XPO1: variants seen among roughly 807,000 people sequenced by gnomAD.
The protein encoded by XPO1 is exportin-1.
A neutral mutation model predicts 133.3 loss-of-function variants in XPO1; 5 were observed. That is an observed-to-expected ratio of 0.04 (90% CI 0.02 to 0.08). The LOEUF (loss-of-function observed/expected upper bound fraction) is 0.08, where lower values mean the gene tolerates loss of function less well. Among genes scored for constraint, XPO1 ranks in the 10% least tolerant of loss-of-function variants. The pLI, the probability that XPO1 is intolerant of heterozygous loss-of-function variation, is 1.00. For missense variants in XPO1, 506 were observed against 1,267.5 expected, an observed-to-expected ratio of 0.40 and a Z score of 9.12; for synonymous variants, 419 against 408.2, an observed-to-expected ratio of 1.03 and a Z score of -0.32.
At chr2:61,528,733 TTATATATATATATATATATATATATATA>T (rs10528074) in intron 2 of XPO1, among the ~76,000 whole-genome samples, 3,709 of 115,842 alleles carry the variant, frequency 0.032, 177 homozygotes, top group African/African-American at 0.089. Context: ...GACATTTTAT[TTATATATATATATATATATATATATATA>T]TATATATATA....
intron 2 of XPO1, among the ~76,000 whole-genome samples, chr2:61,529,221 A>G (rs1573224826): frequency 6.6e-6 from 1 of 152,224 alleles, no homozygotes; most frequent in East Asian, 1.9e-4. Flanking sequence ...TCTTTCTCTT[A>G]TACTTTACTT....
intron 9 of XPO1, 47 bp downstream of exon 9, chr2:61,498,626 T>C (rs2104487602): frequency 1.9e-6 from 3 of 1,604,494 alleles, no homozygotes; most frequent in Non-Finnish European, 2.6e-6. Context: ...GTGAAAAGAA[T>C]ATATGTGGCT....
chr2:61,479,927 T>C (rs926999670), intron 24 of XPO1, among the ~76,000 whole-genome samples: 2 of 152,084 alleles, frequency 1.3e-5, no homozygotes, highest in African/African-American at 4.8e-5. Context: ...TGCAGTGTTA[T>C]GATCTCAGCT....
chr2:61,487,596 T>G, intron 19 of XPO1, among the ~76,000 whole-genome samples: 1 of 152,116 alleles, frequency 6.6e-6, no homozygotes. Context: ...TAGAATTTTT[T>G]GGACTCTCCC....
rs1216994314 is a variant in XPO1, at chr2:61,478,012, A to G, written c.*808T>C. On this transcript the variant is annotated 3_prime_UTR_variant, in exon 25 of 25. Transcript: ENST00000401558. ...AGCTTGGTAAACAATGTAAATTAGTATAAGTCATCTCAAAAGCCAGAGTTG... is the reference window on the plus strand; with the variant it reads ...AGCTTGGTAAACAATGTAAATTAGTGTAAGTCATCTCAAAAGCCAGAGTTG... 2 of 232,322 alleles carry G rather than the reference A, an allele frequency of 8.6e-6. No individual in the cohort carries two copies. The highest frequency in any genetic ancestry group is 1.7e-5 in the Non-Finnish European group (2 of 117,212). The allele number at this position is 232,322 out of a possible 1,614,324, so 14.4% of individuals were successfully genotyped here.
At chr2:61,496,259 T>A (rs908490270) in intron 10 of XPO1, among the ~76,000 whole-genome samples, 4 of 152,218 alleles carry the variant, frequency 2.6e-5, no homozygotes, top group Non-Finnish European at 5.9e-5. Context: ...TCATCCAGGC[T>A]GGAGTGCAAT....
intron 11 of XPO1, among the ~76,000 whole-genome samples, chr2:61,495,233 T>C (rs1697189751): frequency 6.6e-6 from 1 of 152,186 alleles, no homozygotes; most frequent in Non-Finnish European, 1.5e-5. Context: ...AATTAGTAAT[T>C]TAATTTTGAT....
chr2:61,482,238 C>G, intron 23 of XPO1, 142 bp downstream of exon 23: 2 of 374,874 alleles, frequency 5.3e-6, no homozygotes, highest in Non-Finnish European at 7.7e-6. Context: ...GAGACGGGAT[C>G]TTGTTTTGTT....
intron 2 of XPO1, among the ~76,000 whole-genome samples, chr2:61,529,422 C>A (rs754803577): frequency 9.2e-5 from 14 of 152,022 alleles, no homozygotes; most frequent in Non-Finnish European, 1.9e-4. Context: ...CTTTGGGTGG[C>A]CAAGGTGGGT....
At chr2:61,511,197 C>T (rs1212500534) in intron 4 of XPO1, among the ~76,000 whole-genome samples, 1 of 151,898 alleles carries the variant, frequency 6.6e-6, no homozygotes, top group African/African-American at 2.4e-5. Context: ...AATCTCGGCT[C>T]ACTGCAACCT....
At chr2:61,529,530 C>G (rs1417889696) in intron 2 of XPO1, among the ~76,000 whole-genome samples, 2 of 152,092 alleles carry the variant, frequency 1.3e-5, no homozygotes, top group Non-Finnish European at 2.9e-5. Context: ...GTGGGGCGTA[C>G]TTGTAATCCC....
At chr2:61,490,003 G>T (rs536315259) in intron 17 of XPO1, among the ~76,000 whole-genome samples, 2 of 150,716 alleles carry the variant, frequency 1.3e-5, no homozygotes, top group South Asian at 4.2e-4. Flanking sequence ...CCATTCTCCT[G>T]GCTCAGCCTC....
At chr2:61,535,342 G>A (rs1247145781) in intron 1 of XPO1, among the ~76,000 whole-genome samples, 1 of 152,094 alleles carries the variant, frequency 6.6e-6, no homozygotes, top group Non-Finnish European at 1.5e-5. Flanking sequence ...GAGGATTCAG[G>A]ACATCCTGAA....
Position 61,498,581 on chromosome 2 carries a change from A to G in XPO1, c.759+92T>C, listed in dbSNP as rs1697353905. On this transcript the variant is annotated intron_variant, in intron 9 of 24. Coordinates refer to ENST00000401558, the MANE Select transcript of XPO1 (RefSeq NM_003400.4). The stretch of plus-strand genomic sequence containing the variant: ...GTCCTCGTGTTAGAAACAAGGTTGA[A>G]TAAGGTTTAGAATGCAGAGATGAGA... 6.7e-6 allele frequency: 10 copies of G among 1,496,536 alleles called. No homozygotes were observed. The Admixed American group carries it at 1.3e-4, about 20-fold the overall frequency. The allele number at this position is 1,496,536 out of a possible 1,614,324, so 92.7% of individuals were successfully genotyped here.
chr2:61,525,884 G>GA, intron 3 of XPO1: 1 of 1,047,294 alleles, frequency 9.5e-7, no homozygotes, highest in Non-Finnish European at 1.2e-6. Flanking sequence ...AGAGAAGCGT[G>GA]AATCATCAAG....
intron 3 of XPO1, among the ~76,000 whole-genome samples, chr2:61,523,101 T>A (rs1698767438): frequency 6.6e-6 from 1 of 152,192 alleles, no homozygotes; most frequent in African/African-American, 2.4e-5. Context: ...CTTCCTACCA[T>A]CCTCTAGGAG....
rs34469311 is a variant in XPO1 at position 61,537,752 on chromosome 2, AACAC to A, written c.-201_-198del. 2,731 of 139,186 alleles carry A rather than the reference AACAC, an allele frequency of 0.02. 56 individuals are homozygous for A. The highest frequency in any genetic ancestry group is 0.051 in the African/African-American group (1,881 of 36,578). 8.6% of individuals were successfully genotyped at this position (139,186 alleles called of 1,614,324 possible). ...TTACTATTTCAGGGACGCTTCCCCC[AACAC>A]ACACACACACACACACACACACACA... is the stretch of plus-strand genomic sequence containing the variant. On this transcript the variant is annotated 5_prime_UTR_variant, in exon 1 of 25. Coordinates refer to ENST00000401558, the MANE Select transcript of XPO1 (RefSeq NM_003400.4).
At chr2:61,502,942 A>T (rs1015474201) in intron 4 of XPO1, among the ~76,000 whole-genome samples, 1 of 141,406 alleles carries the variant, frequency 7.1e-6, no homozygotes, top group African/African-American at 2.7e-5. Context: ...TTTCATCCTG[A>T]TTTGGTTCCA....
In XPO1 at chr2:61,492,220, T is replaced by C. The variant is rs1269317520; in HGVS notation, c.1724-22A>G. ...GTCTCTAACAAGACAAAAATATTCA[T>C]TTATTTTGTCCTGGACTCCATCATG... On this transcript the variant is annotated intron_variant, in intron 15 of 24. Coordinates refer to ENST00000401558, the MANE Select transcript of XPO1 (RefSeq NM_003400.4). The surrounding 1 kb of genome is among the most constrained non-coding windows in gnomAD (Gnocchi z 5.6). 9 of 1,612,032 alleles carry C rather than the reference T, an allele frequency of 5.6e-6. No individual in the cohort carries two copies. In the South Asian group the frequency reaches 9.9e-5, roughly 18 times the overall value.
Sources: allele counts gnomAD v4.1 joint callset (sites outside exome capture counted in the v4.1 genomes callset), GRCh38; gene constraint gnomAD v4.1.1; non-coding constraint Gnocchi (gnomAD v3.1); transcripts MANE v1.5; gene names NCBI Gene and HGNC (gene_info 2026-07-23, HGNC 2026-07-21).